IL20RA: variants seen among roughly 807,000 people sequenced by gnomAD.
IL20RA encodes interleukin-20 receptor subunit alpha.
In IL20RA, 29 loss-of-function variants were observed where a neutral mutation model predicts 36.5. The ratio of observed to expected loss-of-function variants is 0.79; its 90% CI spans 0.59 to 1.08. The LOEUF is 1.08. IL20RA is among the 50% of genes least tolerant of loss of function. IL20RA has a pLI of 0.00. For synonymous variants in IL20RA, 279 were observed against 267.1 expected (o/e 1.04, Z -0.43); for missense variants, 652 against 668.4 (o/e 0.98, Z 0.27).
Position 137,001,479 on chromosome 6 carries a change from C to A in IL20RA, c.*79G>T. ...CAAACTGGAAAAAACTTCTTTCATCCCAGGTACTTTATGGCTGGGATCAAA... is the reference window on the plus strand; with the variant it reads ...CAAACTGGAAAAAACTTCTTTCATCACAGGTACTTTATGGCTGGGATCAAA... On this transcript the variant is annotated 3_prime_UTR_variant, in exon 7 of 7. Coordinates refer to ENST00000316649, the MANE Select transcript of IL20RA (RefSeq NM_014432.4). The A allele has an allele frequency of 7.5e-7, 1 of 1,334,994 alleles. No individual in the cohort carries two copies. The highest frequency in any genetic ancestry group is 1.0e-6 in the Non-Finnish European group (1 of 979,368). 82.7% of individuals were successfully genotyped at this position (1,334,994 alleles called of 1,614,324 possible). A position where few individuals can be genotyped will look rare whatever the true frequency, so the allele number is the denominator to read the frequency against.
At chr6:137,012,694 G>C (rs893519526) in intron 2 of IL20RA, among the ~76,000 whole-genome samples, 1 of 152,138 alleles carries the variant, frequency 6.6e-6, no homozygotes, top group African/African-American at 2.4e-5. Flanking sequence ...AGATTTAAAG[G>C]TTGGATAGAA....
chr6:137,016,826 T>G, intron 2 of IL20RA, 142 bp downstream of exon 2: 1 of 773,666 alleles, frequency 1.3e-6, no homozygotes, highest in East Asian at 2.8e-5. Flanking sequence ...TTACAAAACA[T>G]CCAGAAAACT....
chr6:137,001,696 C>A lies in IL20RA; in HGVS notation c.1524G>T (p.Glu508Asp), dbSNP rs143111644. The change falls in exon 7 of 7, where the codon GAG (glutamate) becomes GAT (aspartate). Residue 508 changes from glutamate to aspartate, a missense_variant. Coordinates refer to ENST00000316649, the MANE Select transcript of IL20RA (RefSeq NM_014432.4). ...GACCCTCCTCTCCGAGCCCATCCCC[C>A]TCAGAAGGCTCGCAGCCCTCTGAAT... ...DQDSEGCEPS[E>D]GDGLGEEGLL... 1,136 of 1,614,152 alleles carry A rather than the reference C, an allele frequency of 7.0e-4. No homozygotes were observed. Among genetic ancestry groups the A allele is most frequent in the Admixed American group, 8.3e-4 (50 of 60,020 alleles).
chr6:137,015,568 T>G (rs1775653965), intron 2 of IL20RA, among the ~76,000 whole-genome samples: 1 of 152,242 alleles, frequency 6.6e-6, no homozygotes, highest in Non-Finnish European at 1.5e-5. Context: ...TATTACTTTT[T>G]GAGTGGGGCC....
intron 1 of IL20RA, among the ~76,000 whole-genome samples, chr6:137,036,747 T>A (rs963016400): frequency 2.0e-5 from 3 of 152,104 alleles, no homozygotes; most frequent in Non-Finnish European, 4.4e-5. Flanking sequence ...AGTTGCATTA[T>A]TTTAAGCCAC....
At chr6:137,034,652 A>G (rs1776413351) in intron 1 of IL20RA, among the ~76,000 whole-genome samples, 3 of 152,074 alleles carry the variant, frequency 2.0e-5, no homozygotes. Flanking sequence ...AAGAGTGAGA[A>G]CATGTGGGCC....
Position 137,011,464 on chromosome 6 carries a change from G to A in IL20RA, c.225-12C>T. ...TCTTTTGCCCATATCTGCTAAGAAAGAAGCTGAATTAATAATGAGGTGCCC... is the reference window on the plus strand; with the variant it reads ...TCTTTTGCCCATATCTGCTAAGAAAAAAGCTGAATTAATAATGAGGTGCCC... On this transcript the variant is annotated splice_polypyrimidine_tract_variant and intron_variant, in intron 2 of 6. Transcript: ENST00000316649. 1 of 1,594,624 alleles carries A rather than the reference G, an allele frequency of 6.3e-7. No individual in the cohort carries two copies. Among genetic ancestry groups the A allele is most frequent in the Non-Finnish European group, 8.6e-7 (1 of 1,166,884 alleles).
At chr6:137,027,903 G>A (rs553676922) in intron 1 of IL20RA, among the ~76,000 whole-genome samples, 17 of 152,334 alleles carry the variant, frequency 1.1e-4, no homozygotes, top group African/African-American at 3.8e-4. Flanking sequence ...AGTGTTGTGG[G>A]AAGAAAAGAT....
intron 2 of IL20RA, among the ~76,000 whole-genome samples, chr6:137,013,223 TG>T (rs1390720035): frequency 1.3e-5 from 2 of 152,232 alleles, no homozygotes; most frequent in African/African-American, 4.8e-5. Context: ...AATTGTGGCT[TG>T]AAGACTATTG....
At chr6:137,031,100 C>T (rs1190818623) in intron 1 of IL20RA, among the ~76,000 whole-genome samples, 1 of 152,152 alleles carries the variant, frequency 6.6e-6, no homozygotes, top group African/African-American at 2.4e-5. Context: ...AACATTGCCA[C>T]GAATTACTTA....
At chr6:137,025,031 T>C (rs527253973) in intron 1 of IL20RA, among the ~76,000 whole-genome samples, 1 of 152,260 alleles carries the variant, frequency 6.6e-6, no homozygotes, top group Non-Finnish European at 1.5e-5. Flanking sequence ...GGCAAGGAAC[T>C]ATCCATTTAA....
At chr6:137,015,470 A>G (rs954401379) in intron 2 of IL20RA, among the ~76,000 whole-genome samples, 3 of 152,198 alleles carry the variant, frequency 2.0e-5, no homozygotes, top group African/African-American at 7.2e-5. Context: ...TTACTTCCAT[A>G]GCAAAGCTTT....
At position 137,035,084 on chromosome 6, in the gene IL20RA, A is replaced by G. The variant is rs187666100; in HGVS notation, c.88+9557T>C. On this transcript the variant is annotated intron_variant, in intron 1 of 6. Transcript: ENST00000316649. ...ATCCCATTCCTTTTTATGGCTGCAT[A>G]GTACTCCATGGTGTATATTACCACA... is the stretch of plus-strand genomic sequence containing the variant. Among the ~76,000 whole-genome samples the G allele has an allele frequency of 8.1e-4, 124 of 152,228 alleles. 2 individuals carry two copies. The East Asian group carries it at 0.016, about 20-fold the overall frequency.
intron 2 of IL20RA, among the ~76,000 whole-genome samples, chr6:137,012,255 A>G (rs947644546): frequency 6.6e-6 from 1 of 152,210 alleles, no homozygotes; most frequent in Non-Finnish European, 1.5e-5. Flanking sequence ...GGACAGGGGC[A>G]GTAGGATAAA....
intron 3 of IL20RA, among the ~76,000 whole-genome samples, chr6:137,010,280 A>T (rs1460561185): frequency 6.6e-6 from 1 of 152,112 alleles, no homozygotes; most frequent in Non-Finnish European, 1.5e-5. Context: ...TTGTTGCACT[A>T]CTCCACTCTT....
At chr6:137,015,200 T>C (rs924653044) in intron 2 of IL20RA, among the ~76,000 whole-genome samples, 3 of 152,242 alleles carry the variant, frequency 2.0e-5, no homozygotes, top group East Asian at 3.8e-4. Context: ...ACATTTATGA[T>C]ACACAGTTCC....
At chr6:137,021,410 ACC>A in intron 1 of IL20RA, among the ~76,000 whole-genome samples, 2 of 151,762 alleles carry the variant, frequency 1.3e-5, no homozygotes, top group Middle Eastern at 3.4e-3. Context: ...CACACCTGTA[ACC>A]CCAGCACTTT....
At chr6:137,036,963 T>C (rs892065623) in intron 1 of IL20RA, among the ~76,000 whole-genome samples, 2 of 151,906 alleles carry the variant, frequency 1.3e-5, no homozygotes, top group African/African-American at 4.8e-5. Flanking sequence ...CCCTGCAAAG[T>C]TGGTAAGGAG....
chr6:137,018,879 C>T (rs989621235), intron 1 of IL20RA, among the ~76,000 whole-genome samples: 1 of 152,002 alleles, frequency 6.6e-6, no homozygotes, highest in Non-Finnish European at 1.5e-5. Context: ...TTTTAGATGG[C>T]CTTAACATAT....
Sources: gnomAD v4.1 joint callset for allele counts (sites outside exome capture counted in the v4.1 genomes callset) on GRCh38, gnomAD v4.1.1 for gene constraint, MANE v1.5 for transcripts, NCBI Gene and HGNC (gene_info 2026-07-23, HGNC 2026-07-21) for gene names.